Variants in ERGIC3 observed in about 807,000 individuals in gnomAD.
ERGIC3 encodes the protein ERGIC and golgi 3.
Under a neutral mutation model 54.7 loss-of-function variants are expected in ERGIC3, and 33 were observed. The ratio of observed to expected loss-of-function variants is 0.60; its 90% CI spans 0.46 to 0.81. ERGIC3 has a LOEUF of 0.81. Ranked by LOEUF, ERGIC3 falls within the 30% of genes least tolerant of loss-of-function variation. The pLI is 0.00. For missense variants in ERGIC3, 399 were observed against 488.4 expected (o/e 0.82, Z 1.73); for synonymous variants, 186 against 189.8 (o/e 0.98, Z 0.16).
intron 4 of ERGIC3, chr20:35,544,056 A>G (rs574572371): frequency 2.6e-5 from 5 of 190,464 alleles, no homozygotes; most frequent in East Asian, 1.2e-4. Context: ...CTATCTATCT[A>G]TCTATCTGTC....
At chr20:35,547,090 ATCT>A (rs772746298) in intron 4 of ERGIC3, among the ~76,000 whole-genome samples, 2 of 152,176 alleles carry the variant, frequency 1.3e-5, no homozygotes, top group Non-Finnish European at 1.5e-5. Flanking sequence ...GAGCCTCAAC[ATCT>A]TCTCAGTAAA....
intron 7 of ERGIC3, among the ~76,000 whole-genome samples, chr20:35,553,488 T>C (rs114518621): frequency 0.029 from 4,315 of 151,220 alleles, 195 homozygotes; most frequent in African/African-American, 0.098. Context: ...GAAGGCAGGG[T>C]TGGGGAAGGT....
At chr20:35,556,627 CAG>C (rs2064714433) in intron 10 of ERGIC3, 1 of 493,362 alleles carries the variant, frequency 2.0e-6, no homozygotes, top group Non-Finnish European at 3.7e-6. Context: ...AGCATCTCAG[CAG>C]AGTGGCAGGA....
Position 35,542,166 on chromosome 20 carries a change from G to A in ERGIC3, c.69G>A (p.Lys23=), listed in dbSNP as rs760076970. ...AGACTTTGGAGGACTTCCGGGTCAA[G>A]ACCTGCGGGGGCGCCACCGGTAGGC... ...YPKTLEDFRV[K]TCGGATVTIV... is the part of the protein sequence containing the mutation. The change falls in exon 1 of 13, where the codon AAG becomes AAA. Residue 23 remains lysine (K), a synonymous_variant. Coordinates refer to ENST00000348547, the MANE Select transcript of ERGIC3 (RefSeq NM_015966.3). The A allele has an allele frequency of 4.4e-6, 7 of 1,579,838 alleles. No homozygotes were observed. The highest frequency in any genetic ancestry group is 6.0e-6 in the Non-Finnish European group (7 of 1,162,126).
rs577375717 is a variant in ERGIC3, at chr20:35,557,035, C to T, written c.942C>T (p.Gly314=). ...AGAAGGTTGCCAATGGGCTGTTGGG[C>T]GACCAAGGCCTTCCCGGAGTCTTCG... is the stretch of plus-strand genomic sequence containing the variant. ...RHEKVANGLL[G]DQGLPGVFVL... Residue 314 remains glycine (G), a synonymous_variant, in exon 11 of 13, where the codon GGC becomes GGT. Transcript: ENST00000348547. The T allele has an allele frequency of 1.7e-5, 28 of 1,614,222 alleles. No individual in the cohort carries two copies. Among genetic ancestry groups the T allele is most frequent in the African/African-American group, 9.3e-5 (7 of 75,064 alleles).
intron 8 of ERGIC3, 64 bp from the exon 9 acceptor site, chr20:35,555,969 C>T (rs1053166987): frequency 1.9e-5 from 29 of 1,502,816 alleles, no homozygotes; most frequent in African/African-American, 4.1e-5. Context: ...CAGACGGACC[C>T]AGGTGTCCCT....
chr20:35,547,285 A>G (rs2064653677), intron 4 of ERGIC3, 127 bp from the exon 5 acceptor site: 1 of 680,476 alleles, frequency 1.5e-6, no homozygotes, highest in Admixed American at 2.3e-5. Flanking sequence ...GACCCGTAGC[A>G]TGTACTATAT....
rs1484107634 is a variant in ERGIC3 at position 35,542,097 on chromosome 20, C to T, written c.-1C>T. On this transcript the variant is annotated 5_prime_UTR_variant, in exon 1 of 13. Coordinates refer to ENST00000348547, the MANE Select transcript of ERGIC3 (RefSeq NM_015966.3). ...TGGCGTCCCCTTTCCGGCCGGTCCC[C>T]ATGGAGGCGCTGGGGAAGCTGAAGC... 6.5e-7 allele frequency: 1 copy of T among 1,543,676 alleles called. No homozygotes were observed. The highest frequency in any genetic ancestry group is 2.3e-5 in the East Asian group (1 of 43,968).
chr20:35,547,106 A>G (rs2064652729), intron 4 of ERGIC3, among the ~76,000 whole-genome samples: 1 of 152,170 alleles, frequency 6.6e-6, no homozygotes, highest in African/African-American at 2.4e-5. Flanking sequence ...TCAGTAAAAC[A>G]GGGATAATTA....
In ERGIC3 at chr20:35,548,685, G is replaced by A. The variant is rs770890066; in HGVS notation, c.627+11G>A. The A allele has an allele frequency of 2.5e-6, 4 of 1,614,224 alleles. No homozygotes were observed. The highest frequency in any genetic ancestry group is 3.4e-6 in the Non-Finnish European group (4 of 1,180,042). On this transcript the variant is annotated intron_variant, in intron 6 of 12. Coordinates refer to ENST00000348547, the MANE Select transcript of ERGIC3 (RefSeq NM_015966.3). ...TTGGAAGTCAATAAGGTATCAGGAG[G>A]GATCAAGACAAGATAGGGCCAGCTG...
Position 35,542,348 on chromosome 20 carries a change from G to A in ERGIC3, c.114G>A (p.Met38Ile). The A allele has an allele frequency of 6.2e-7, 1 of 1,614,016 alleles. No individual in the cohort carries two copies. Among genetic ancestry groups the A allele is most frequent in the Non-Finnish European group, 8.5e-7 (1 of 1,180,022 alleles). Residue 38 changes from methionine (M) to isoleucine (I), a missense_variant, in exon 2 of 13, where the codon ATG becomes ATA. Transcript: ENST00000348547. Reference protein sequence around the residue: ...ATVTIVSGLLMLLLFLSELQY... With the variant: ...ATVTIVSGLLILLLFLSELQY... ...TGACCATTGTCAGTGGCCTTCTCAT[G>A]CTGCTACTGTTCCTGTCCGAGCTGC... is the stretch of plus-strand genomic sequence containing the variant.
At chr20:35,549,361 G>A (rs924249773) in intron 7 of ERGIC3, 1 of 394,800 alleles carries the variant, frequency 2.5e-6, no homozygotes, top group South Asian at 1.9e-5. Flanking sequence ...GTAAAATGGG[G>A]ATGATGATAA....
intron 7 of ERGIC3, 66 bp downstream of exon 7, chr20:35,548,931 C>T (rs867597284): frequency 7.7e-6 from 12 of 1,558,240 alleles, no homozygotes; most frequent in Middle Eastern, 3.4e-4. Context: ...CTTGAGTGGT[C>T]CTCTTCTGCC....
At chr20:35,543,070 T>G in intron 4 of ERGIC3, 129 bp downstream of exon 4, 2 of 1,389,254 alleles carry the variant, frequency 1.4e-6, no homozygotes, top group Non-Finnish European at 2.0e-6. Context: ...TCAAGTGACT[T>G]GCCTAGGGTC....
At chr20:35,550,963 G>A (rs1257032130) in intron 7 of ERGIC3, among the ~76,000 whole-genome samples, 2 of 152,074 alleles carry the variant, frequency 1.3e-5, no homozygotes, top group African/African-American at 4.8e-5. Context: ...GGGCATGAGG[G>A]ATAAAGGAAA....
chr20:35,542,491 T>TA (rs2064620396), intron 2 of ERGIC3, 22 bp from the exon 3 acceptor site: 3 of 1,613,894 alleles, frequency 1.9e-6, no homozygotes, highest in Non-Finnish European at 2.5e-6. Context: ...GGCTAAGTCT[T>TA]ACTGAGGTAG....
At chr20:35,552,054 C>G (rs1261716423) in intron 7 of ERGIC3, among the ~76,000 whole-genome samples, 1 of 152,084 alleles carries the variant, frequency 6.6e-6, no homozygotes, top group Admixed American at 6.6e-5. Flanking sequence ...AGACAGTGAC[C>G]GGAGTGAAGT....
intron 12 of ERGIC3, 83 bp from the exon 13 acceptor site, chr20:35,557,342 C>A: frequency 6.2e-7 from 1 of 1,608,218 alleles, no homozygotes; most frequent in Non-Finnish European, 8.5e-7. Context: ...CAGATGCTGG[C>A]CTGGCCAGTT....
At chr20:35,553,822 C>T (rs560176124) in intron 7 of ERGIC3, among the ~76,000 whole-genome samples, 1 of 152,330 alleles carries the variant, frequency 6.6e-6, no homozygotes, top group East Asian at 1.9e-4. Flanking sequence ...GACACACAGC[C>T]AGAGTGGCAG....
Sources: allele counts gnomAD v4.1 joint callset (sites outside exome capture counted in the v4.1 genomes callset), GRCh38; gene constraint gnomAD v4.1.1; transcripts MANE v1.5; gene names NCBI Gene and HGNC (gene_info 2026-07-23, HGNC 2026-07-21).